ROR1: variants seen among roughly 807,000 people sequenced by gnomAD.
ROR1 encodes inactive tyrosine-protein kinase transmembrane receptor ROR1.
ROR1 carries 19 observed loss-of-function variants against 78.8 expected under a neutral mutation model. The observed-to-expected ratio is 0.24, with a 90% CI of 0.17 to 0.35. The LOEUF is 0.35. ROR1 is among the 10% of genes least tolerant of loss of function. ROR1 has a pLI of 1.00. For synonymous variants in ROR1, 386 were observed against 433.6 expected (o/e 0.89, Z 1.36); for missense variants, 917 against 1,177.8 (o/e 0.78, Z 3.24).
chr1:63,824,660 G>T (rs1365346900), intron 1 of ROR1, among the ~76,000 whole-genome samples: 1 of 152,058 alleles, frequency 6.6e-6, no homozygotes, highest in African/African-American at 2.4e-5. Context: ...GCTGAGGCTT[G>T]GATATGTATC....
chr1:64,040,747 C>G lies in ROR1; in HGVS notation c.164-8944C>G, dbSNP rs1446498496. Among the ~76,000 whole-genome samples the G allele has an allele frequency of 2.0e-5, 3 of 152,138 alleles. 1 individual carries two copies. The highest frequency in any genetic ancestry group is 2.0e-4 in the Admixed American group (3 of 15,260). ...ATTTTATAAGGGGACTAATCCCATT[C>G]GTGAAGGTACCATCCTCATGACCTA... On this transcript the variant is annotated intron_variant, in intron 2 of 8. Coordinates refer to ENST00000371079, the MANE Select transcript of ROR1 (RefSeq NM_005012.4).
intron 1 of ROR1, among the ~76,000 whole-genome samples, chr1:63,783,509 C>T (rs566502253): frequency 6.6e-6 from 1 of 152,272 alleles, no homozygotes; most frequent in South Asian, 2.1e-4. Flanking sequence ...GCATAGTCTT[C>T]AGGACGACCC....
In ROR1 at chr1:63,774,266, C is replaced by A; in HGVS notation, c.-152C>A. The A allele has an allele frequency of 3.0e-6, 1 of 335,000 alleles. No homozygotes were observed. The highest frequency in any genetic ancestry group is 5.3e-5 in the Admixed American group (1 of 18,804). The allele number at this position is 335,000 out of a possible 1,614,324, so 20.8% of individuals were successfully genotyped here. ...AGGCGGCCAGGCGGAGGCGAGGGAG[C>A]AGGTTAGAGGGACAAAGAGCTTTGC... On this transcript the variant is annotated 5_prime_UTR_variant, in exon 1 of 9. Transcript: ENST00000371079. The surrounding 1 kb of genome is among the most constrained non-coding windows in gnomAD (Gnocchi z 5.7).
intron 1 of ROR1, among the ~76,000 whole-genome samples, chr1:63,922,524 A>G (rs1296052202): frequency 6.6e-6 from 1 of 152,128 alleles, no homozygotes; most frequent in African/African-American, 2.4e-5. Flanking sequence ...TGTGCCAAAC[A>G]TCCGTCTCTT....
chr1:63,904,288 G>T (rs1286079543), intron 1 of ROR1, among the ~76,000 whole-genome samples: 1 of 152,142 alleles, frequency 6.6e-6, no homozygotes, highest in Non-Finnish European at 1.5e-5. Context: ...TGTTATAGAG[G>T]AGGAAACTGA....
chr1:64,168,668 G>A (rs1650154114), intron 8 of ROR1, among the ~76,000 whole-genome samples: 1 of 152,240 alleles, frequency 6.6e-6, no homozygotes, highest in Non-Finnish European at 1.5e-5. Flanking sequence ...AAGTAGTCAT[G>A]TAGTATATAA....
At chr1:63,964,451 C>G (rs1395107981) in intron 1 of ROR1, among the ~76,000 whole-genome samples, 1 of 152,208 alleles carries the variant, frequency 6.6e-6, no homozygotes, top group African/African-American at 2.4e-5. Flanking sequence ...CTGAATTCAA[C>G]TTACCCATTC....
chr1:63,904,931 A>G (rs1645517093), intron 1 of ROR1, among the ~76,000 whole-genome samples: 1 of 152,120 alleles, frequency 6.6e-6, no homozygotes, highest in Non-Finnish European at 1.5e-5. Flanking sequence ...ATATCAGCCC[A>G]TGCCTTAACC....
At chr1:64,015,773 T>C (rs918140584) in intron 2 of ROR1, among the ~76,000 whole-genome samples, 1 of 152,146 alleles carries the variant, frequency 6.6e-6, no homozygotes, top group Non-Finnish European at 1.5e-5. Context: ...GCTTCAAAAC[T>C]GGTAGCTGGT....
At chr1:63,965,307 T>C (rs1646064729) in intron 1 of ROR1, among the ~76,000 whole-genome samples, 1 of 152,164 alleles carries the variant, frequency 6.6e-6, no homozygotes, top group African/African-American at 2.4e-5. Context: ...TCCATCCTCA[T>C]TGAGGCTGGA....
chr1:64,095,079 C>G (rs1387821783), intron 4 of ROR1: 3 of 152,162 alleles, frequency 2.0e-5, no homozygotes, highest in Admixed American at 1.3e-4. Context: ...TCAGTTATTC[C>G]AGTCCTCTTT....
intron 1 of ROR1, among the ~76,000 whole-genome samples, chr1:63,810,987 GT>G (rs1391037602): frequency 6.6e-6 from 1 of 152,146 alleles, no homozygotes; most frequent in Non-Finnish European, 1.5e-5. Flanking sequence ...TCTCCCCCAG[GT>G]TCTGCAAGGA....
At chr1:63,951,495 C>T (rs773157868) in intron 1 of ROR1, among the ~76,000 whole-genome samples, 2 of 152,076 alleles carry the variant, frequency 1.3e-5, no homozygotes, top group South Asian at 2.1e-4. Flanking sequence ...GAGGAGGGGA[C>T]AACTTTGAAC....
At chr1:64,068,997 C>G (rs1221436369) in intron 4 of ROR1, among the ~76,000 whole-genome samples, 2 of 151,976 alleles carry the variant, frequency 1.3e-5, no homozygotes, top group Non-Finnish European at 2.9e-5. Context: ...TAAATAATAG[C>G]TAAAATAATT....
chr1:63,858,235 T>G (rs1645160441), intron 1 of ROR1, among the ~76,000 whole-genome samples: 1 of 152,254 alleles, frequency 6.6e-6, no homozygotes, highest in Admixed American at 6.5e-5. Flanking sequence ...CTTCTTGACT[T>G]AAAGTACAAT....
intron 2 of ROR1, among the ~76,000 whole-genome samples, chr1:64,041,715 T>A (rs1040121954): frequency 6.6e-6 from 1 of 152,214 alleles, no homozygotes; most frequent in African/African-American, 2.4e-5. Flanking sequence ...CTTACTACTC[T>A]GTAGTCAATA....
intron 4 of ROR1, among the ~76,000 whole-genome samples, chr1:64,135,501 T>G (rs1649071927): frequency 1.3e-5 from 2 of 152,098 alleles, no homozygotes; most frequent in Admixed American, 6.5e-5. Flanking sequence ...AAGCATCATC[T>G]GTAATAGCAG....
At chr1:63,781,534 A>G (rs1005935176) in intron 1 of ROR1, among the ~76,000 whole-genome samples, 9 of 152,204 alleles carry the variant, frequency 5.9e-5, no homozygotes, top group African/African-American at 2.2e-4. Flanking sequence ...ACAGGCAACT[A>G]TCTCTCCCAC....
chr1:63,980,162 T>C (rs2100508017), intron 1 of ROR1, among the ~76,000 whole-genome samples: 1 of 151,804 alleles, frequency 6.6e-6, no homozygotes, highest in East Asian at 1.9e-4. Context: ...TATATATATA[T>C]ATATTTGGTA....
Sources: allele counts gnomAD v4.1 joint callset (sites outside exome capture counted in the v4.1 genomes callset), GRCh38; gene constraint gnomAD v4.1.1; non-coding constraint Gnocchi (gnomAD v3.1); transcripts MANE v1.5; gene names NCBI Gene and HGNC (gene_info 2026-07-23, HGNC 2026-07-21).